Variants in GXYLT2 observed in about 807,000 individuals in gnomAD.
GXYLT2 encodes glycosyltransferase 8 domain containing 4.
In GXYLT2, 53 loss-of-function variants were observed where a neutral mutation model predicts 45.8. That is an observed-to-expected ratio of 1.16 (90% CI 0.93 to 1.46). The LOEUF (loss-of-function observed/expected upper bound fraction) is 1.46, where lower values mean the gene tolerates loss of function less well. Among genes scored for constraint, GXYLT2 ranks in the 40% most tolerant of loss-of-function variants. The probability of loss-of-function intolerance (pLI) is 0.00; values close to 1 mark genes in which losing one functional copy is unlikely to be tolerated. For synonymous variants in GXYLT2, 219 were observed against 214.2 expected, an observed-to-expected ratio of 1.02 and a Z score of -0.19; for missense variants, 551 against 544.4, an observed-to-expected ratio of 1.01 and a Z score of -0.12.
chr3:72,947,448 C>T (rs574910948), intron 3 of GXYLT2, among the ~76,000 whole-genome samples: 50 of 152,168 alleles, frequency 3.3e-4, no homozygotes, highest in African/African-American at 1.2e-3. Context: ...GAGAGGTAGA[C>T]GGAGTGTGTA....
intron 6 of GXYLT2, among the ~76,000 whole-genome samples, chr3:72,968,201 T>C (rs1158888878): frequency 2.4e-4 from 36 of 152,192 alleles, no homozygotes. Context: ...CTCGAACTCC[T>C]GACCTCAAGT....
chr3:72,892,503 G>C (rs960709071), intron 1 of GXYLT2, among the ~76,000 whole-genome samples: 1 of 152,146 alleles, frequency 6.6e-6, no homozygotes, highest in African/African-American at 2.4e-5. Context: ...GGCACTCCTG[G>C]TACAATGGTG....
intron 3 of GXYLT2, among the ~76,000 whole-genome samples, chr3:72,930,793 C>T (rs1043349456): frequency 6.6e-5 from 10 of 151,944 alleles, no homozygotes; most frequent in Middle Eastern, 3.4e-3. Context: ...GGGGTTTCAC[C>T]CTGTTGCCCA....
In GXYLT2 at chr3:72,957,283, C is replaced by A; in HGVS notation, c.907C>A (p.Gln303Lys). The A allele has an allele frequency of 6.2e-7, 1 of 1,611,628 alleles. No homozygotes were observed. Among genetic ancestry groups the A allele is most frequent in the South Asian group, 1.1e-5 (1 of 90,990 alleles). The change falls in exon 5 of 7, where the codon CAG becomes AAG. Residue 303 changes from glutamine to lysine, a missense_variant. Coordinates refer to ENST00000389617, the MANE Select transcript of GXYLT2 (RefSeq NM_001080393.2). ...AWEDMLYPLYQKYKNAITWGD... is the reference protein window; with the variant it reads ...AWEDMLYPLYKKYKNAITWGD... Reference sequence around the variant, plus strand: ...GGAGGACATGTTGTACCCTCTGTACCAGAAGTACAAGAATGCCATCACGTG... The same window carrying A: ...GGAGGACATGTTGTACCCTCTGTACAAGAAGTACAAGAATGCCATCACGTG...
chr3:72,968,518 A>G (rs1710916633), intron 6 of GXYLT2, among the ~76,000 whole-genome samples: 1 of 152,244 alleles, frequency 6.6e-6, no homozygotes, highest in Admixed American at 6.5e-5. Flanking sequence ...TGCAAGCAGC[A>G]GAAAGAGGCC....
At chr3:72,953,755 G>C (rs990709468) in intron 3 of GXYLT2, among the ~76,000 whole-genome samples, 1 of 152,140 alleles carries the variant, frequency 6.6e-6, no homozygotes, top group African/African-American at 2.4e-5. Context: ...AACAAAGCTA[G>C]CCAATGACTT....
chr3:72,921,333 G>A (rs1559735126), intron 2 of GXYLT2, among the ~76,000 whole-genome samples: 1 of 151,992 alleles, frequency 6.6e-6, no homozygotes, highest in African/African-American at 2.4e-5. Flanking sequence ...GCAAACTATG[G>A]GAGTACAAGA....
At chr3:72,900,376 A>T (rs1709381596) in intron 1 of GXYLT2, among the ~76,000 whole-genome samples, 1 of 151,990 alleles carries the variant, frequency 6.6e-6, no homozygotes, top group Non-Finnish European at 1.5e-5. Flanking sequence ...AACTAGGGCA[A>T]CGTTTTACAA....
intron 2 of GXYLT2, among the ~76,000 whole-genome samples, chr3:72,920,934 C>T (rs1257004722): frequency 2.0e-5 from 3 of 151,760 alleles, no homozygotes. Flanking sequence ...GATTCTCCTG[C>T]CTCAGCCTCC....
chr3:72,962,954 TAA>T (rs11448704), intron 5 of GXYLT2, among the ~76,000 whole-genome samples: 1 of 103,838 alleles, frequency 9.6e-6, no homozygotes, highest in African/African-American at 2.7e-5. Context: ...GATGGGACAT[TAA>T]AAAAAAAAAA....
Position 72,888,439 on chromosome 3 carries a change from G to GGCGCCGGCCCCCGCGTCC in GXYLT2, c.212_229dup (p.Arg71_Arg76dup). The GGCGCCGGCCCCCGCGTCC allele has an allele frequency of 8.5e-7, 1 of 1,174,238 alleles. No homozygotes were observed. Among genetic ancestry groups the GGCGCCGGCCCCCGCGTCC allele is most frequent in the Non-Finnish European group, 1.1e-6 (1 of 949,400 alleles). 72.7% of individuals were successfully genotyped at this position (1,174,238 alleles called of 1,614,324 possible). ...CCCGGGGCCAGCCCGGGAGTTCGGA[G>GGCGCCGGCCCCCGCGTCC]GCGCCGGCCCCCGCGTCCGCGCCCC... On this transcript the variant is annotated inframe_insertion, in exon 1 of 7. Transcript: ENST00000389617.
At chr3:72,945,218 G>A (rs1303691402) in intron 3 of GXYLT2, among the ~76,000 whole-genome samples, 1 of 152,044 alleles carries the variant, frequency 6.6e-6, no homozygotes, top group African/African-American at 2.4e-5. Flanking sequence ...AACCCGGGAG[G>A]CGGAGCTTGC....
chr3:72,920,423 C>A (rs1221393897), intron 2 of GXYLT2, among the ~76,000 whole-genome samples: 1 of 152,136 alleles, frequency 6.6e-6, no homozygotes, highest in Non-Finnish European at 1.5e-5. Flanking sequence ...GCGTCAGCCA[C>A]CACTCCTGGC....
chr3:72,921,317 A>AG (rs1709830251), intron 2 of GXYLT2, among the ~76,000 whole-genome samples: 1 of 152,222 alleles, frequency 6.6e-6, no homozygotes, highest in Admixed American at 6.5e-5. Flanking sequence ...TATAGAACTG[A>AG]GGTCAGCAAA....
Position 72,908,445 on chromosome 3 carries a change from C to A in GXYLT2, c.354C>A (p.Gly118=), listed in dbSNP as rs778466773. The change falls in exon 2 of 7, where the codon GGC becomes GGA. Residue 118 remains glycine, a synonymous_variant. Transcript: ENST00000389617. The part of the protein sequence containing the change: ...LWIHLAVVAC[G]NRLEETLVML... ...TCCACCTGGCTGTGGTGGCCTGTGGCAATCGGCTGGAGGAGACGCTGGTCA... is the reference window on the plus strand; with the variant it reads ...TCCACCTGGCTGTGGTGGCCTGTGGAAATCGGCTGGAGGAGACGCTGGTCA... 1.2e-6 allele frequency: 2 copies of A among 1,613,966 alleles called. No individual in the cohort carries two copies. The highest frequency in any genetic ancestry group is 1.7e-6 in the Non-Finnish European group (2 of 1,179,878).
chr3:72,961,786 C>T (rs1710775760), intron 5 of GXYLT2, among the ~76,000 whole-genome samples: 1 of 152,118 alleles, frequency 6.6e-6, no homozygotes, highest in African/African-American at 2.4e-5. Flanking sequence ...TTTCCTCTCT[C>T]AAACGTGACC....
chr3:72,945,577 A>G (rs139429611), intron 3 of GXYLT2, among the ~76,000 whole-genome samples: 46 of 152,332 alleles, frequency 3.0e-4, no homozygotes, highest in African/African-American at 1.1e-3. Context: ...GATGAAGAGA[A>G]AATGGAAGGA....
At position 72,974,907 on chromosome 3, in the gene GXYLT2, T is replaced by C. The variant is rs576160930; in HGVS notation, c.1150-70T>C. On this transcript the variant is annotated intron_variant, in intron 6 of 6. Coordinates refer to ENST00000389617, the MANE Select transcript of GXYLT2 (RefSeq NM_001080393.2). ...TTATCGTAATTCCTGTGTCATTTCT[T>C]AGTAAAAATGATCTGCATTTAAAAT... 3.1e-5 allele frequency: 35 copies of C among 1,131,586 alleles called. 1 individual carries two copies. In the Admixed American group the frequency reaches 7.8e-4, roughly 25 times the overall value. 70.1% of individuals were successfully genotyped at this position (1,131,586 alleles called of 1,614,324 possible). A position where few individuals can be genotyped will look rare whatever the true frequency, so the allele number is the denominator to read the frequency against.
At chr3:72,972,859 C>G (rs1711018904) in intron 6 of GXYLT2, among the ~76,000 whole-genome samples, 3 of 151,480 alleles carry the variant, frequency 2.0e-5, no homozygotes, top group Admixed American at 6.6e-5. Context: ...ATCTCTTGAG[C>G]TTAGGAGGCC....
Sources: gnomAD v4.1 joint callset for allele counts (sites outside exome capture counted in the v4.1 genomes callset) on GRCh38, gnomAD v4.1.1 for gene constraint, MANE v1.5 for transcripts, NCBI Gene and HGNC (gene_info 2026-07-23, HGNC 2026-07-21) for gene names.